The following PINK1 variants were observed in gnomAD, a reference collection of about 807,000 sequenced individuals.
PINK1 encodes the protein serine/threonine-protein kinase PINK1, mitochondrial.
A neutral mutation model predicts 56.0 loss-of-function variants in PINK1; 58 were observed. The ratio of observed to expected loss-of-function variants is 1.04; its 90% CI spans 0.84 to 1.29. The LOEUF (loss-of-function observed/expected upper bound fraction) is 1.29, where lower values mean the gene tolerates loss of function less well. PINK1 is among the 50% of genes most tolerant of loss of function. The probability of loss-of-function intolerance (pLI) is 0.00; values close to 1 mark genes in which losing one functional copy is unlikely to be tolerated. For synonymous variants in PINK1, 354 were observed against 339.3 expected (o/e 1.04, Z -0.48); for missense variants, 745 against 777.9 (o/e 0.96, Z 0.50).
chr1:20,641,536 CTT>C lies in PINK1; in HGVS notation c.776+1546_776+1547del, dbSNP rs769493279. 8.5e-5 allele frequency among the ~76,000 whole-genome samples: 13 copies of C among 152,156 alleles called. No individual in the cohort carries two copies. The highest frequency in any genetic ancestry group is 1.2e-4 in the African/African-American group (5 of 41,430). On this transcript the variant is annotated intron_variant, in intron 3 of 7. Coordinates refer to ENST00000321556, the MANE Select transcript of PINK1 (RefSeq NM_032409.3). This position sits in a 1 kb window ranked among gnomAD's most constrained non-coding sequence, Gnocchi z 4.0. ...TTGCTCCAGCTGTACTGTAAACACT[CTT>C]TGTTTACTGCATACCCTCAGTAAAT...
At chr1:20,637,309 T>C (rs2053065456) in intron 1 of PINK1, among the ~76,000 whole-genome samples, 1 of 152,198 alleles carries the variant, frequency 6.6e-6, no homozygotes, top group East Asian at 1.9e-4. Flanking sequence ...CTTGTACTCT[T>C]GCTACCTTTC....
At chr1:20,634,020 T>C (rs2053026622) in intron 1 of PINK1, 85 bp downstream of exon 1, 1 of 1,478,448 alleles carries the variant, frequency 6.8e-7, no homozygotes, top group Non-Finnish European at 9.1e-7. Context: ...CGGGGCTAGG[T>C]GTGGAGGCGG....
chr1:20,647,466 CTTTTTTTTT>C (rs34054663), intron 5 of PINK1, among the ~76,000 whole-genome samples: 2 of 73,202 alleles, frequency 2.7e-5, no homozygotes, highest in African/African-American at 1.1e-4. Context: ...TGGGAGTTGG[CTTTTTTTTT>C]TTTTTTTTTT....
chr1:20,634,952 C>G (rs1292870281), intron 1 of PINK1, among the ~76,000 whole-genome samples: 1 of 152,200 alleles, frequency 6.6e-6, no homozygotes, highest in East Asian at 1.9e-4. Context: ...ACCACTGTCT[C>G]ATGTTTGAGC....
At chr1:20,639,562 C>T (rs2053092834) in intron 2 of PINK1, 8 of 384,814 alleles carry the variant, frequency 2.1e-5, no homozygotes, top group Non-Finnish European at 3.5e-5. Context: ...ATCCAGTGGT[C>T]AATTTTGAAC....
intron 1 of PINK1, among the ~76,000 whole-genome samples, chr1:20,635,840 C>T (rs553220333): frequency 1.4e-5 from 2 of 146,536 alleles, no homozygotes; most frequent in South Asian, 4.3e-4. Flanking sequence ...CAGAGTGAGA[C>T]TCCGTCTCAA....
At position 20,633,916 on chromosome 1, in the gene PINK1, C is replaced by G. The variant is rs772239179; in HGVS notation, c.368C>G (p.Ser123Trp). 1.3e-6 allele frequency: 2 copies of G among 1,578,994 alleles called. No individual in the cohort carries two copies. The highest frequency in any genetic ancestry group is 1.8e-5 in the Admixed American group (1 of 55,956). ...EKQAESRRAVSACQEIQAIFT... is the reference protein window; with the variant it reads ...EKQAESRRAVWACQEIQAIFT... ...CAGGCGGAGAGCCGGCGGGCGGTCT[C>G]GGCCTGTCAGGAGATCCAGGTGAGC... The change falls in exon 1 of 8, where the codon TCG (serine) becomes TGG (tryptophan). Residue 123 changes from serine (S) to tryptophan (W), a missense_variant. Ser to Trp is a radical substitution (Grantham distance 177, BLOSUM62 -3). Transcript: ENST00000321556.
intron 3 of PINK1, among the ~76,000 whole-genome samples, chr1:20,642,373 G>T (rs944189225): frequency 1.3e-5 from 2 of 152,306 alleles, no homozygotes; most frequent in East Asian, 3.9e-4. Context: ...TTTATTAGAG[G>T]AGGTTTAAGG....
intron 5 of PINK1, among the ~76,000 whole-genome samples, chr1:20,646,546 A>T (rs2053183452): frequency 6.6e-6 from 1 of 152,092 alleles, no homozygotes; most frequent in Non-Finnish European, 1.5e-5. Flanking sequence ...TGGGAAGCTG[A>T]GGCAGGAGAA....
chr1:20,639,488 C>T (rs2053092125), intron 2 of PINK1: 1 of 313,414 alleles, frequency 3.2e-6, no homozygotes, highest in African/African-American at 2.1e-5. Flanking sequence ...TACAACTTCA[C>T]CCAGGGTGGA....
intron 3 of PINK1, among the ~76,000 whole-genome samples, chr1:20,640,727 T>C (rs1309346306): frequency 6.6e-6 from 1 of 152,104 alleles, no homozygotes; most frequent in Non-Finnish European, 1.5e-5. Context: ...GCGCAGGCTA[T>C]GACAGAGGAG....
In PINK1 at chr1:20,639,990, C is replaced by A. The variant is rs756783990; in HGVS notation, c.774C>A (p.Tyr258Ter). ...CTGGGGAGTATGGAGCAGTCACTTA[C>A]AGGTAAGTGCCCTCTGCCTGCCAGA... is the stretch of plus-strand genomic sequence containing the variant. ...ALAGEYGAVT[Y>*]RKSKRGPKQL... The change falls in exon 3 of 8, where the codon TAC becomes TAA. Residue 258 changes from tyrosine to a stop codon, truncating the protein, a stop_gained and splice_region_variant. Coordinates refer to ENST00000321556, the MANE Select transcript of PINK1 (RefSeq NM_032409.3). LOFTEE classifies it high-confidence loss of function. The A allele has an allele frequency of 1.9e-6, 3 of 1,602,136 alleles. No homozygotes were observed. The South Asian group carries it at 3.4e-5, about 18-fold the overall frequency.
Position 20,648,429 on chromosome 1 carries a change from T to C in PINK1, c.1124-76T>C. The stretch of plus-strand genomic sequence containing the variant: ...CTGTCAGCTATGTCTTGCTGGTGGC[T>C]TTAGTAGGGACATAGGAGGGCCTCT... On this transcript the variant is annotated intron_variant, in intron 5 of 7. Coordinates refer to ENST00000321556, the MANE Select transcript of PINK1 (RefSeq NM_032409.3). 3 of 1,598,906 alleles carry C rather than the reference T, an allele frequency of 1.9e-6. No individual in the cohort carries two copies. The South Asian group carries it at 3.4e-5, about 18-fold the overall frequency.
Position 20,644,653 on chromosome 1 carries a change from C to G in PINK1, c.940C>G (p.Leu314Val). Residue 314 changes from leucine to valine, a missense_variant, in exon 4 of 8, where the codon CTG (leucine) becomes GTG (valine). Coordinates refer to ENST00000321556, the MANE Select transcript of PINK1 (RefSeq NM_032409.3). ...TGAAGGCCTGGGCCATGGCCGGACGCTGTTCCTCGTTATGAAGAAGTAAGT... is the reference window on the plus strand; with the variant it reads ...TGAAGGCCTGGGCCATGGCCGGACGGTGTTCCTCGTTATGAAGAAGTAAGT... ...HPEGLGHGRT[L>V]FLVMKNYPCT... The G allele has an allele frequency of 6.2e-7, 1 of 1,614,244 alleles. No individual in the cohort carries two copies. Among genetic ancestry groups the G allele is most frequent in the Non-Finnish European group, 8.5e-7 (1 of 1,180,050 alleles).
chr1:20,643,178 G>T (rs144031361), intron 3 of PINK1: 1 of 152,122 alleles, frequency 6.6e-6, no homozygotes, highest in Admixed American at 6.5e-5. Context: ...CCTTCCCTTC[G>T]TCCAACCATC....
chr1:20,648,540 T>G lies in PINK1; in HGVS notation c.1159T>G (p.Cys387Gly), dbSNP rs200462866. ...CTGGCTGGTGATCGCAGATTTTGGC[T>G]GCTGCCTGGCTGATGAGAGCATCGG... is the stretch of plus-strand genomic sequence containing the variant. ...CPWLVIADFG[C>G]CLADESIGLQ... is the part of the protein sequence containing the mutation. The change falls in exon 6 of 8, where the codon TGC becomes GGC. Residue 387 changes from cysteine (C) to glycine (G), a missense_variant. By Grantham distance (159) the Cys-to-Gly change is radical (BLOSUM62 -3). Coordinates refer to ENST00000321556, the MANE Select transcript of PINK1 (RefSeq NM_032409.3). 7.4e-6 allele frequency: 12 copies of G among 1,614,182 alleles called. No homozygotes were observed. Among genetic ancestry groups the G allele is most frequent in the African/African-American group, 1.3e-5 (1 of 75,048 alleles).
chr1:20,646,116 A>G (rs185152985), intron 5 of PINK1, among the ~76,000 whole-genome samples: 1 of 151,972 alleles, frequency 6.6e-6, no homozygotes, highest in Non-Finnish European at 1.5e-5. Context: ...TACAAAAAAA[A>G]AATATGTTTT....
chr1:20,638,432 A>T, intron 2 of PINK1: 1 of 392,860 alleles, frequency 2.5e-6, no homozygotes, highest in South Asian at 2.4e-5. Context: ...GGAGTTTGAG[A>T]CCAGCCTGGG....
chr1:20,639,125 T>G (rs1429413254), intron 2 of PINK1: 1 of 153,814 alleles, frequency 6.5e-6, no homozygotes, highest in Non-Finnish European at 1.4e-5. Flanking sequence ...CAGTGGGAAG[T>G]GGCCACAGCC....
Sources: allele counts gnomAD v4.1 joint callset (sites outside exome capture counted in the v4.1 genomes callset), GRCh38; gene constraint gnomAD v4.1.1; non-coding constraint Gnocchi (gnomAD v3.1); transcripts MANE v1.5; gene names NCBI Gene and HGNC (gene_info 2026-07-23, HGNC 2026-07-21).